Variants in RABGAP1L observed in about 807,000 individuals in gnomAD.
The protein encoded by RABGAP1L is rab GTPase-activating protein 1-like.
In RABGAP1L, 63 loss-of-function variants were observed where a neutral mutation model predicts 137.7. The ratio of observed to expected loss-of-function variants is 0.46; its 90% CI spans 0.37 to 0.56. The LOEUF is 0.56. RABGAP1L is among the 20% of genes least tolerant of loss of function. The pLI is 0.00. For missense variants in RABGAP1L, 1,095 were observed against 1,244.0 expected (o/e 0.88, Z 1.80); for synonymous variants, 431 against 433.7 (o/e 0.99, Z 0.08).
intron 13 of RABGAP1L, among the ~76,000 whole-genome samples, chr1:174,546,836 C>G (rs1330638713): frequency 2.0e-5 from 3 of 151,566 alleles, no homozygotes; most frequent in African/African-American, 7.3e-5. Flanking sequence ...CGAGACCATC[C>G]TGGCTAACAC....
intron 13 of RABGAP1L, among the ~76,000 whole-genome samples, chr1:174,534,462 A>G (rs1398338628): frequency 6.6e-6 from 1 of 151,976 alleles, no homozygotes; most frequent in Non-Finnish European, 1.5e-5. Context: ...GATTAAAAAC[A>G]ATAACTAATA....
chr1:174,481,430 C>A (rs2149331081), intron 13 of RABGAP1L, among the ~76,000 whole-genome samples: 1 of 152,278 alleles, frequency 6.6e-6, no homozygotes, highest in Admixed American at 6.5e-5. Context: ...GCACAAAGCC[C>A]CCACCCTCTA....
chr1:174,814,361 G>C (rs2148865213), intron 19 of RABGAP1L, among the ~76,000 whole-genome samples: 1 of 152,108 alleles, frequency 6.6e-6, no homozygotes, highest in East Asian at 1.9e-4. Flanking sequence ...CATTATCTAA[G>C]GAGAATGCCT....
intron 20 of RABGAP1L, chr1:174,957,987 A>G: frequency 1.9e-6 from 3 of 1,564,114 alleles, no homozygotes; most frequent in East Asian, 2.2e-5. Context: ...GTGGCTTTCT[A>G]CTTTCAAAAA....
rs56304068 is a variant in RABGAP1L, at chr1:174,563,787, G to A, written c.1711-73588G>A. On this transcript the variant is annotated intron_variant, in intron 13 of 25. Transcript: ENST00000681986. ...GCACAGAATATACCTTTTCTGTTCTGGTCCGCAAAATTGTACAGAAATGAA... is the reference window on the plus strand; with the variant it reads ...GCACAGAATATACCTTTTCTGTTCTAGTCCGCAAAATTGTACAGAAATGAA... 5.7e-3 allele frequency among the ~76,000 whole-genome samples: 874 copies of A among 152,134 alleles called. 8 individuals carry two copies. The highest frequency in any genetic ancestry group is 0.02 in the African/African-American group (835 of 41,490).
intron 19 of RABGAP1L, among the ~76,000 whole-genome samples, chr1:174,878,383 T>C (rs1405411660): frequency 3.9e-5 from 6 of 151,992 alleles, no homozygotes; most frequent in African/African-American, 7.3e-5. Context: ...TGCGCCACCA[T>C]GCCTGGCTAA....
chr1:174,770,179 G>T (rs1406211862), intron 18 of RABGAP1L, among the ~76,000 whole-genome samples: 1 of 152,030 alleles, frequency 6.6e-6, no homozygotes, highest in African/African-American at 2.4e-5. Flanking sequence ...ACCACTCCTG[G>T]ATCATTTGTT....
chr1:174,448,305 T>C lies in RABGAP1L; in HGVS notation c.1710+54160T>C, dbSNP rs1380670220. The C allele has an allele frequency of 6.2e-7, 1 of 1,613,022 alleles. No homozygotes were observed. The highest frequency in any genetic ancestry group is 1.1e-5 in the South Asian group (1 of 91,074). On this transcript the variant is annotated intron_variant, in intron 13 of 25. Transcript: ENST00000681986. This position sits in a 1 kb window ranked among gnomAD's most constrained non-coding sequence, Gnocchi z 4.2. ...GGGAATCTAACAGTTATCTTTGTCT[T>C]TCATTGTGCTCCACTGTTACATCAT...
intron 19 of RABGAP1L, among the ~76,000 whole-genome samples, chr1:174,915,245 C>T (rs193284197): frequency 6.6e-6 from 1 of 152,268 alleles, no homozygotes; most frequent in Admixed American, 6.5e-5. Flanking sequence ...AAGAAATTGC[C>T]ATACTATTTT....
chr1:174,619,077 A>G (rs1014430162), intron 13 of RABGAP1L, among the ~76,000 whole-genome samples: 4 of 152,172 alleles, frequency 2.6e-5, no homozygotes, highest in Admixed American at 6.5e-5. Context: ...AAGCGAGAAG[A>G]GAAGTTTAGA....
intron 13 of RABGAP1L, among the ~76,000 whole-genome samples, chr1:174,537,335 C>T (rs1183891637): frequency 1.3e-5 from 2 of 152,110 alleles, no homozygotes; most frequent in African/African-American, 4.8e-5. Flanking sequence ...CTTCTTTAAC[C>T]TATGCTGCGT....
At chr1:174,469,404 A>G (rs985995055) in intron 13 of RABGAP1L, among the ~76,000 whole-genome samples, 3 of 152,250 alleles carry the variant, frequency 2.0e-5, no homozygotes, top group African/African-American at 7.2e-5. Flanking sequence ...TCTCAGAAGT[A>G]TAAACGTGGA....
intron 18 of RABGAP1L, among the ~76,000 whole-genome samples, chr1:174,787,871 C>T (rs1288729283): frequency 6.6e-6 from 1 of 152,170 alleles, no homozygotes; most frequent in African/African-American, 2.4e-5. Context: ...AACTGAGCAG[C>T]ATTTCCCAGG....
chr1:174,536,010 G>C (rs1221243006), intron 13 of RABGAP1L, among the ~76,000 whole-genome samples: 1 of 152,124 alleles, frequency 6.6e-6, no homozygotes, highest in African/African-American at 2.4e-5. Flanking sequence ...ATAGCATAAT[G>C]TTATTGGAAT....
At chr1:174,220,707 A>T (rs1669693318) in intron 2 of RABGAP1L, 1 of 238,274 alleles carries the variant, frequency 4.2e-6, no homozygotes, top group Non-Finnish European at 7.9e-6. Flanking sequence ...CATCTCTGTA[A>T]ATAGGATCTT....
chr1:174,319,138 C>G (rs1001142708), intron 11 of RABGAP1L, among the ~76,000 whole-genome samples: 1 of 151,976 alleles, frequency 6.6e-6, no homozygotes, highest in Non-Finnish European at 1.5e-5. Context: ...TACTAATTAA[C>G]ATTCTTTTCT....
intron 19 of RABGAP1L, among the ~76,000 whole-genome samples, chr1:174,860,770 A>G (rs1382595717): frequency 6.6e-6 from 1 of 152,230 alleles, no homozygotes; most frequent in Non-Finnish European, 1.5e-5. Context: ...GGGATCTAAT[A>G]GTTTCTTTCC....
intron 17 of RABGAP1L, among the ~76,000 whole-genome samples, chr1:174,733,295 T>C (rs982300371): frequency 6.6e-6 from 1 of 152,184 alleles, no homozygotes; most frequent in Non-Finnish European, 1.5e-5. Flanking sequence ...CAGCAAGCAG[T>C]GAAACATCTG....
chr1:174,370,433 C>G (rs1423656095), intron 11 of RABGAP1L, among the ~76,000 whole-genome samples: 7 of 136,394 alleles, frequency 5.1e-5, no homozygotes. Context: ...ATAAAAAGGC[C>G]AGTTTCAATT....
Sources: gnomAD v4.1 joint callset for allele counts (sites outside exome capture counted in the v4.1 genomes callset) on GRCh38, gnomAD v4.1.1 for gene constraint, Gnocchi (gnomAD v3.1) non-coding constraint, MANE v1.5 for transcripts, NCBI Gene and HGNC (gene_info 2026-07-23, HGNC 2026-07-21) for gene names.